The following SLC44A3 variants were observed in gnomAD, a reference collection of about 807,000 sequenced individuals.
The protein encoded by SLC44A3 is choline transporter-like protein 3.
Under a neutral mutation model 75.4 loss-of-function variants are expected in SLC44A3, and 74 were observed. The observed-to-expected ratio is 0.98, with a 90% CI of 0.81 to 1.19. The LOEUF (loss-of-function observed/expected upper bound fraction) is 1.19. Among genes scored for constraint, SLC44A3 ranks in the 50% most tolerant of loss-of-function variants. The pLI, the probability that SLC44A3 is intolerant of heterozygous loss-of-function variation, is 0.00. For missense variants in SLC44A3, 700 were observed against 778.6 expected, an observed-to-expected ratio of 0.90 and a Z score of 1.20; for synonymous variants, 310 against 296.9, an observed-to-expected ratio of 1.04 and a Z score of -0.45.
chr1:94,825,863 G>A, intron 3 of SLC44A3: 1 of 456,224 alleles, frequency 2.2e-6, no homozygotes, highest in Non-Finnish European at 4.4e-6. Flanking sequence ...GGAGGAGGAA[G>A]GGCGACTTAG....
chr1:94,844,157 T>A (rs1190759420), intron 8 of SLC44A3, among the ~76,000 whole-genome samples: 1 of 152,032 alleles, frequency 6.6e-6, no homozygotes, highest in East Asian at 1.9e-4. Flanking sequence ...TACAATAGGG[T>A]AAGTGTGGAA....
chr1:94,891,601 G>T (rs1670218978), intron 13 of SLC44A3, among the ~76,000 whole-genome samples: 1 of 152,130 alleles, frequency 6.6e-6, no homozygotes, highest in African/African-American at 2.4e-5. Flanking sequence ...ACGTTTGTGG[G>T]TTTCTCATTA....
At chr1:94,842,462 G>T (rs1278677985) in intron 8 of SLC44A3, among the ~76,000 whole-genome samples, 1 of 152,216 alleles carries the variant, frequency 6.6e-6, no homozygotes, top group Non-Finnish European at 1.5e-5. Context: ...GTGAGGTGCG[G>T]CTCCCCTTTG....
At position 94,837,831 on chromosome 1, in the gene SLC44A3, G is replaced by A. The variant is rs764756180; in HGVS notation, c.630G>A (p.Ser210=). 1.4e-5 allele frequency: 22 copies of A among 1,610,986 alleles called. No individual in the cohort carries two copies. The highest frequency in any genetic ancestry group is 1.6e-4 in the Middle Eastern group (1 of 6,080). The part of the protein sequence containing the change: ...TLHRILSGIM[S]GRDTILGLCI... ...ACCGAATTCTAAGTGGAATCATGTC[G>A]GGAAGAGATACAATCCTTGGCCTGT... The change falls in exon 6 of 15, where the codon TCG becomes TCA. Residue 210 remains serine, a synonymous_variant. Transcript: ENST00000271227.
intron 12 of SLC44A3, among the ~76,000 whole-genome samples, chr1:94,885,651 A>G (rs1309546531): frequency 6.6e-6 from 1 of 152,188 alleles, no homozygotes; most frequent in African/African-American, 2.4e-5. Flanking sequence ...GGTCCACTTC[A>G]TGGAAGATGG....
At chr1:94,822,857 T>C (rs1321471771) in intron 2 of SLC44A3, among the ~76,000 whole-genome samples, 1 of 152,122 alleles carries the variant, frequency 6.6e-6, no homozygotes, top group Non-Finnish European at 1.5e-5. Context: ...TCACCTGTCA[T>C]ATAGAATCGC....
At chr1:94,829,169 G>C in intron 5 of SLC44A3, among the ~76,000 whole-genome samples, 1 of 152,040 alleles carries the variant, frequency 6.6e-6, no homozygotes, top group Non-Finnish European at 1.5e-5. Context: ...TGTAGTCCCA[G>C]CTACTTGGGA....
chr1:94,832,636 A>T (rs896572964), intron 5 of SLC44A3, among the ~76,000 whole-genome samples: 3 of 152,168 alleles, frequency 2.0e-5, no homozygotes, highest in African/African-American at 7.2e-5. Flanking sequence ...ATACATACTG[A>T]GTCACTTTAA....
chr1:94,883,092 C>A (rs149933452), intron 12 of SLC44A3, among the ~76,000 whole-genome samples: 7 of 151,114 alleles, frequency 4.6e-5, no homozygotes, highest in Non-Finnish European at 8.8e-5. Flanking sequence ...CAGAGAGAAC[C>A]GCATCTGTGA....
intron 1 of SLC44A3, chr1:94,820,716 A>G (rs1660442100): frequency 1.4e-6 from 2 of 1,387,888 alleles, no homozygotes; most frequent in South Asian, 1.8e-5. Flanking sequence ...CCTCAGGTGC[A>G]CCTCCAGGTA....
chr1:94,865,722 TG>T (rs1667094779), intron 11 of SLC44A3, among the ~76,000 whole-genome samples: 2 of 152,242 alleles, frequency 1.3e-5, no homozygotes, highest in Non-Finnish European at 2.9e-5. Context: ...TTAGAGTTGG[TG>T]ACTTGGTCAG....
chr1:94,849,409 T>C (rs1664903361), intron 9 of SLC44A3, among the ~76,000 whole-genome samples: 1 of 152,096 alleles, frequency 6.6e-6, no homozygotes, highest in Non-Finnish European at 1.5e-5. Flanking sequence ...GTCCCCTCCT[T>C]CCACCTGCCT....
At chr1:94,881,868 AAAT>A (rs1350084990) in intron 12 of SLC44A3, among the ~76,000 whole-genome samples, 13 of 150,038 alleles carry the variant, frequency 8.7e-5, no homozygotes, top group African/African-American at 3.2e-4. Context: ...AAAAAAAAAA[AAAT>A]TAGCTGGGCA....
At position 94,848,663 on chromosome 1, in the gene SLC44A3, C is replaced by T. The variant is rs78349904; in HGVS notation, c.1072+3199C>T. Among the ~76,000 whole-genome samples, 135 of 152,124 alleles carry T rather than the reference C, an allele frequency of 8.9e-4. 1 individual carries two copies. The East Asian group carries it at 0.022, about 24-fold the overall frequency. On this transcript the variant is annotated intron_variant, in intron 9 of 14. Transcript: ENST00000271227. ...TTTGGTGGGCACTGTGGGGATGAGG[C>T]GCTGAGCACGGCACTAGGGAGAGGT...
intron 12 of SLC44A3, among the ~76,000 whole-genome samples, chr1:94,875,604 A>G (rs564055793): frequency 5.1e-4 from 73 of 143,546 alleles, no homozygotes; most frequent in African/African-American, 1.8e-3. Flanking sequence ...AATCTATGTA[A>G]ATCTCCCCCA....
At chr1:94,837,247 A>G (rs892295963) in intron 5 of SLC44A3, among the ~76,000 whole-genome samples, 26 of 152,336 alleles carry the variant, frequency 1.7e-4, no homozygotes, top group African/African-American at 6.0e-4. Context: ...TTCTAGATAT[A>G]TAAAGTAAAG....
At chr1:94,825,949 A>G (rs1487779973) in intron 3 of SLC44A3, 1 of 455,952 alleles carries the variant, frequency 2.2e-6, no homozygotes, top group Non-Finnish European at 4.4e-6. Flanking sequence ...TGAAGTGAGT[A>G]TACATTCCAT....
In SLC44A3 at chr1:94,894,969, C is replaced by T; in HGVS notation, c.*47C>T. The stretch of plus-strand genomic sequence containing the variant: ...CCTGGAAAACATTTCCTTCTAAGAG[C>T]CATTTACAGAATAGAAGATGAGACC... On this transcript the variant is annotated 3_prime_UTR_variant, in exon 15 of 15. Transcript: ENST00000271227. 1 of 1,461,750 alleles carries T rather than the reference C, an allele frequency of 6.8e-7. No individual in the cohort carries two copies. Among genetic ancestry groups the T allele is most frequent in the Non-Finnish European group, 9.4e-7 (1 of 1,064,544 alleles). The allele number at this position is 1,461,750 out of a possible 1,614,324, so 90.5% of individuals were successfully genotyped here. A position where few individuals can be genotyped will look rare whatever the true frequency, so the allele number is the denominator to read the frequency against.
rs545341741 is a variant in SLC44A3 at position 94,822,645 on chromosome 1, CTG to C, written c.135+1593_135+1594del. Among the ~76,000 whole-genome samples the C allele has an allele frequency of 1.1e-3, 163 of 152,272 alleles. 2 individuals carry two copies. Among genetic ancestry groups the C allele is most frequent in the African/African-American group, 3.8e-3 (156 of 41,546 alleles). On this transcript the variant is annotated intron_variant, in intron 2 of 14. Coordinates refer to ENST00000271227, the MANE Select transcript of SLC44A3 (RefSeq NM_001114106.3). ...TGGTTCTTGCAAATGCAGCACCAGC[CTG>C]TGTTTATATTTGCATTAAACATAAG...
Sources: gnomAD v4.1 joint callset for allele counts (sites outside exome capture counted in the v4.1 genomes callset) on GRCh38, gnomAD v4.1.1 for gene constraint, MANE v1.5 for transcripts, NCBI Gene and HGNC (gene_info 2026-07-23, HGNC 2026-07-21) for gene names.